The following P2RX5 variants were observed in gnomAD, a reference collection of about 807,000 sequenced individuals.
The protein encoded by P2RX5 is purinergic receptor P2X 5, also known as P2X purinoceptor 5.
In P2RX5, 46 loss-of-function variants were observed where a neutral mutation model predicts 54.1. That is an observed-to-expected ratio of 0.85 (90% CI 0.67 to 1.09). The LOEUF is 1.09. Among genes scored for constraint, P2RX5 ranks in the 50% least tolerant of loss-of-function variants. The pLI, the probability that P2RX5 is intolerant of heterozygous loss-of-function variation, is 0.00. For missense variants in P2RX5, 566 were observed against 549.8 expected (o/e 1.03, Z -0.29); for synonymous variants, 226 against 226.4 (o/e 1.00, Z 0.02).
At chr17:3,703,749 C>G in the P2RX5 span, among the ~76,000 whole-genome samples, 1 of 151,976 alleles carries the variant, frequency 6.6e-6, no homozygotes. Flanking sequence ...GAGATTCCAA[C>G]AAACCCAAAA....
At chr17:3,688,585 G>A (rs778734865) in intron 8 of P2RX5, 41 bp downstream of exon 8, 3 of 1,611,532 alleles carry the variant, frequency 1.9e-6, no homozygotes, top group Non-Finnish European at 1.7e-6. Flanking sequence ...GAGTGCCACT[G>A]ATCATGGTCA....
At chr17:3,719,489 A>C in the P2RX5 span, among the ~76,000 whole-genome samples, 3 of 152,280 alleles carry the variant, frequency 2.0e-5, no homozygotes, top group African/African-American at 7.2e-5. Flanking sequence ...AGGGTCAACA[A>C]GAATGAAAAC....
chr17:3,719,311 G>A, the P2RX5 span, among the ~76,000 whole-genome samples: 8 of 150,664 alleles, frequency 5.3e-5, no homozygotes, highest in Non-Finnish European at 1.0e-4. Flanking sequence ...ATGTTATATT[G>A]GCATGTCTAG....
upstream of P2RX5, among the ~76,000 whole-genome samples, chr17:3,699,985 T>C (rs199583420): frequency 1.1e-5 from 1 of 88,442 alleles, no homozygotes; most frequent in African/African-American, 3.0e-5. Flanking sequence ...AAAATTAGTG[T>C]ATTTAAGGAA....
In P2RX5 at chr17:3,685,657, T is replaced by TCTCCCCGCCTCCCG. The variant is rs1555569503; in HGVS notation, c.981+2354_981+2355insCGGGAGGCGGGGAG. On this transcript the variant is annotated intron_variant, in intron 9 of 11. Coordinates refer to ENST00000225328, the MANE Select transcript of P2RX5 (RefSeq NM_002561.4). ...CCCAGGGACCCTCCCAGCGTCCCCC[T>TCTCCCCGCCTCCCG]CCCAGCCTGAGAACAGGAGAACGCA... 1.2e-4 allele frequency: 9 copies of TCTCCCCGCCTCCCG among 75,902 alleles called. 1 individual carries two copies. Among genetic ancestry groups the TCTCCCCGCCTCCCG allele is most frequent in the East Asian group, 4.0e-4 (1 of 2,496 alleles). 4.7% of individuals were successfully genotyped at this position (75,902 alleles called of 1,614,324 possible).
At chr17:3,697,475 C>T (rs558372196), upstream of P2RX5, among the ~76,000 whole-genome samples, 90 of 152,272 alleles carry the variant, frequency 5.9e-4, no homozygotes, top group East Asian at 1.4e-3. Context: ...CTGCTCCTCT[C>T]CCTACCCCTG....
intron 10 of P2RX5, among the ~76,000 whole-genome samples, chr17:3,680,821 A>G (rs1175986716): frequency 1.7e-4 from 14 of 82,000 alleles, no homozygotes; most frequent in African/African-American, 2.5e-4. Flanking sequence ...TCCACCCTGC[A>G]TCCTCCACCC....
At chr17:3,720,239 C>T in the P2RX5 span, 1 of 755,654 alleles carries the variant, frequency 1.3e-6, no homozygotes, top group Non-Finnish European at 2.4e-6. Context: ...AACAGAATGT[C>T]TGTGGAGGTG....
chr17:3,710,971 C>T, the P2RX5 span, among the ~76,000 whole-genome samples: 2 of 152,178 alleles, frequency 1.3e-5, no homozygotes, highest in Non-Finnish European at 2.9e-5. Context: ...CCTCCAATAA[C>T]TGCATCCAAA....
chr17:3,677,236 A>T, intron 11 of P2RX5: 1 of 985,144 alleles, frequency 1.0e-6, no homozygotes, highest in Non-Finnish European at 1.2e-6. Context: ...CCTTGATCTC[A>T]TTAGCACTTC....
intron 10 of P2RX5, among the ~76,000 whole-genome samples, chr17:3,680,627 C>T (rs1434032718): frequency 1.3e-5 from 1 of 79,820 alleles, no homozygotes; most frequent in Non-Finnish European, 2.4e-5. Context: ...CCCTGCAGGC[C>T]ACCACCCTGC....
intron 10 of P2RX5, among the ~76,000 whole-genome samples, chr17:3,681,294 C>T (rs1307641288): frequency 1.3e-5 from 2 of 152,142 alleles, no homozygotes; most frequent in Non-Finnish European, 2.9e-5. Flanking sequence ...TGTCCCAATT[C>T]CCATTCTGAT....
intron 10 of P2RX5, among the ~76,000 whole-genome samples, chr17:3,680,298 A>T (rs374033661): frequency 0.023 from 794 of 34,460 alleles, no homozygotes; most frequent in African/African-American, 0.13. Context: ...TCCTCCACCC[A>T]GTGTCCTCCA....
the P2RX5 span, chr17:3,715,071 CCTAA>C: frequency 1.6e-6 from 1 of 620,000 alleles, no homozygotes; most frequent in Non-Finnish European, 2.9e-6. Context: ...ACTCCCTTCT[CCTAA>C]CTTACTCTGA....
chr17:3,701,073 A>G (rs1250680084), upstream of P2RX5, among the ~76,000 whole-genome samples: 1 of 152,192 alleles, frequency 6.6e-6, no homozygotes, highest in East Asian at 1.9e-4. Flanking sequence ...TTCACCTGAA[A>G]TAAAGGACGG....
chr17:3,697,683 G>C (rs1051332865), upstream of P2RX5, among the ~76,000 whole-genome samples: 2 of 152,224 alleles, frequency 1.3e-5, no homozygotes, highest in Non-Finnish European at 2.9e-5. Context: ...CGAAATCTAA[G>C]ATGGGGCTGG....
At chr17:3,678,137 C>T (rs1438961395) in intron 11 of P2RX5, 4 of 984,506 alleles carry the variant, frequency 4.1e-6, no homozygotes, top group Non-Finnish European at 3.6e-6. Flanking sequence ...ATGGCCAGAC[C>T]TGTGTGTGGG....
chr17:3,683,001 G>C (rs1295439205), intron 9 of P2RX5: 1 of 152,220 alleles, frequency 6.6e-6, no homozygotes, highest in Non-Finnish European at 1.5e-5. Flanking sequence ...ACTCCAGCCT[G>C]GGCAACAAGA....
intron 9 of P2RX5, among the ~76,000 whole-genome samples, chr17:3,685,741 G>A (rs373516226): frequency 0.027 from 319 of 11,960 alleles, 3 homozygotes; most frequent in African/African-American, 0.038. Context: ...ACAGGAGAAC[G>A]CACAGCGGGG....
Sources: gnomAD v4.1 joint callset for allele counts (sites outside exome capture counted in the v4.1 genomes callset) on GRCh38, gnomAD v4.1.1 for gene constraint, MANE v1.5 for transcripts, NCBI Gene and HGNC (gene_info 2026-07-23, HGNC 2026-07-21) for gene names.